Variants in GCA observed in about 807,000 individuals in gnomAD.
GCA encodes grancalcin, EF-hand calcium-binding protein.
A neutral mutation model predicts 32.6 loss-of-function variants in GCA; 30 were observed. The observed-to-expected ratio is 0.92, with a 90% CI of 0.69 to 1.25. The LOEUF is 1.25. Ranked by LOEUF, GCA falls within the 50% of genes most tolerant of loss-of-function variation. The probability of loss-of-function intolerance (pLI) is 0.00; values close to 1 mark genes in which losing one functional copy is unlikely to be tolerated. For missense variants in GCA, 291 were observed against 266.8 expected (o/e 1.09, Z -0.63); for synonymous variants, 102 against 84.6 (o/e 1.21, Z -1.13).
chr2:162,368,448 A>G (rs1685826623), intron 4 of GCA, among the ~76,000 whole-genome samples: 1 of 152,032 alleles, frequency 6.6e-6, no homozygotes, highest in African/African-American at 2.4e-5. Context: ...CATTTAGAGG[A>G]ATGATACTGT....
downstream of GCA, chr2:162,371,954 G>T: frequency 1.2e-6 from 2 of 1,613,832 alleles, no homozygotes; most frequent in East Asian, 2.2e-5. Context: ...CTTTGCCGCA[G>T]GTGAAGCTCT....
chr2:162,372,220 C>G (rs533124129), downstream of GCA: 20 of 737,198 alleles, frequency 2.7e-5, no homozygotes, highest in South Asian at 3.9e-5. Context: ...GTGATATTAG[C>G]CAACATTTCC....
At chr2:162,336,161 G>A (rs1369188950) in intron 1 of GCA, among the ~76,000 whole-genome samples, 1 of 152,010 alleles carries the variant, frequency 6.6e-6, no homozygotes, top group East Asian at 1.9e-4. Context: ...GAAGCTACAT[G>A]TTTTGCTTAG....
At chr2:162,322,717 TC>T (rs1006701437) in intron 1 of GCA, among the ~76,000 whole-genome samples, 4 of 151,350 alleles carry the variant, frequency 2.6e-5, no homozygotes, top group African/African-American at 9.8e-5. Flanking sequence ...TTCATCCATG[TC>T]CCTACAAAGG....
upstream of GCA, among the ~76,000 whole-genome samples, chr2:162,340,206 G>A (rs1420433457): frequency 3.3e-5 from 5 of 152,104 alleles, no homozygotes; most frequent in Admixed American, 3.3e-4. Context: ...GTGGTTGGTA[G>A]GCACCCTCAC....
At chr2:162,359,964 G>T (rs1190015792) in intron 7 of GCA, among the ~76,000 whole-genome samples, 1 of 150,842 alleles carries the variant, frequency 6.6e-6, no homozygotes, top group Non-Finnish European at 1.5e-5. Context: ...TGATATTCAG[G>T]GTTTTTTAAA....
At chr2:162,349,685 A>G (rs1352736509) in intron 2 of GCA, among the ~76,000 whole-genome samples, 1 of 152,268 alleles carries the variant, frequency 6.6e-6, no homozygotes, top group Non-Finnish European at 1.5e-5. Flanking sequence ...AGTTGGGGCA[A>G]TGTATCAAAG....
At chr2:162,329,222 G>C (rs906312929) in intron 1 of GCA, among the ~76,000 whole-genome samples, 3 of 151,998 alleles carry the variant, frequency 2.0e-5, no homozygotes, top group Non-Finnish European at 4.4e-5. Flanking sequence ...CCCTAGCTAG[G>C]GATCATGCCC....
chr2:162,319,183 T>C, exon 1 of GCA: 1 of 456,918 alleles, frequency 2.2e-6, no homozygotes, highest in Non-Finnish European at 4.4e-6. Flanking sequence ...CCTGACCTCC[T>C]GTGGGTTCCC....
upstream of GCA, among the ~76,000 whole-genome samples, chr2:162,341,350 G>A (rs982963476): frequency 1.4e-5 from 2 of 147,392 alleles, no homozygotes; most frequent in African/African-American, 5.0e-5. Flanking sequence ...AATTTGCTGA[G>A]GAGCTGTGAC....
chr2:162,358,018 G>A (rs1685374065), intron 5 of GCA, among the ~76,000 whole-genome samples: 1 of 151,536 alleles, frequency 6.6e-6, no homozygotes, highest in Non-Finnish European at 1.5e-5. Flanking sequence ...TAGTTTGCAT[G>A]TTTTACTGCT....
downstream of GCA, among the ~76,000 whole-genome samples, chr2:162,375,293 T>C (rs1260909663): frequency 6.6e-6 from 1 of 152,194 alleles, no homozygotes; most frequent in Admixed American, 6.6e-5. Context: ...ACAAGGGAGA[T>C]TCAAGATCCA....
chr2:162,336,118 TG>T (rs1684264453), intron 1 of GCA, among the ~76,000 whole-genome samples: 1 of 152,202 alleles, frequency 6.6e-6, no homozygotes, highest in East Asian at 1.9e-4. Context: ...GATTTTTTTT[TG>T]TTATTGTAAT....
chr2:162,363,708 C>T (rs1187254471), downstream of GCA, among the ~76,000 whole-genome samples: 1 of 151,364 alleles, frequency 6.6e-6, no homozygotes, highest in African/African-American at 2.4e-5. Flanking sequence ...GAAATCTGTG[C>T]TTTTAATCAT....
chr2:162,332,749 A>T (rs1684143023), intron 1 of GCA, among the ~76,000 whole-genome samples: 1 of 151,542 alleles, frequency 6.6e-6, no homozygotes, highest in South Asian at 2.1e-4. Flanking sequence ...AACATAAGGA[A>T]ATTCAACTTC....
chr2:162,342,760 C>T (rs1165252042), upstream of GCA, among the ~76,000 whole-genome samples: 1 of 152,214 alleles, frequency 6.6e-6, no homozygotes, highest in Non-Finnish European at 1.5e-5. Flanking sequence ...AATGTAAACA[C>T]TCAATCCTTC....
At chr2:162,322,416 T>A (rs1438384154) in intron 1 of GCA, among the ~76,000 whole-genome samples, 3 of 150,154 alleles carry the variant, frequency 2.0e-5, no homozygotes, top group Admixed American at 6.7e-5. Flanking sequence ...TTTATTTATT[T>A]ATTATTATAC....
At chr2:162,339,833 AT>A (rs759325397), upstream of GCA, among the ~76,000 whole-genome samples, 10 of 152,158 alleles carry the variant, frequency 6.6e-5, no homozygotes, top group Non-Finnish European at 1.5e-4. Context: ...TATGAAATAA[AT>A]TCCTTTTGTT....
chr2:162,359,321 TA>T, intron 6 of GCA, 164 bp downstream of exon 6: 1 of 611,406 alleles, frequency 1.6e-6, no homozygotes, highest in Admixed American at 3.3e-5. Flanking sequence ...ATATAAATGA[TA>T]AAAACGTTAT....
Sources: allele counts gnomAD v4.1 joint callset (sites outside exome capture counted in the v4.1 genomes callset), GRCh38; gene constraint gnomAD v4.1.1; transcripts MANE v1.5; gene names NCBI Gene and HGNC (gene_info 2026-07-23, HGNC 2026-07-21).